The following ITGB8 variants were observed in gnomAD, a reference collection of about 807,000 sequenced individuals.
The protein encoded by ITGB8 is integrin subunit beta 8.
A neutral mutation model predicts 89.5 loss-of-function variants in ITGB8; 30 were observed. The ratio of observed to expected loss-of-function variants is 0.34; its 90% CI spans 0.25 to 0.45. ITGB8 has a LOEUF of 0.45. Ranked by LOEUF, ITGB8 falls within the 20% of genes least tolerant of loss-of-function variation. The pLI, the probability that ITGB8 is intolerant of heterozygous loss-of-function variation, is 1.00. For missense variants in ITGB8, 836 were observed against 933.3 expected (o/e 0.90, Z 1.36); for synonymous variants, 335 against 320.4 (o/e 1.05, Z -0.49).
intron 6 of ITGB8, among the ~76,000 whole-genome samples, chr7:20,385,800 G>C (rs2127966871): frequency 7.6e-6 from 1 of 130,840 alleles, no homozygotes; most frequent in South Asian, 2.2e-4. Flanking sequence ...CCATAACTTT[G>C]CTACCTGAGT....
rs1785089837 is a variant in ITGB8 at position 20,350,814 on chromosome 7, A to G, written c.128-12823A>G. On this transcript the variant is annotated intron_variant, in intron 1 of 13. Coordinates refer to ENST00000222573, the MANE Select transcript of ITGB8 (RefSeq NM_002214.3). Reference sequence around the variant, plus strand: ...ACAGCAACTCCGAACACCACTTCCTATGCTACTGCCTAATTAGCATGCAGC... The same window carrying G: ...ACAGCAACTCCGAACACCACTTCCTGTGCTACTGCCTAATTAGCATGCAGC... 2.0e-5 allele frequency among the ~76,000 whole-genome samples: 3 copies of G among 152,336 alleles called. No homozygotes were observed. In the South Asian group the frequency reaches 6.2e-4, roughly 32 times the overall value.
At chr7:20,336,000 CTTT>C (rs201113693) in intron 1 of ITGB8, among the ~76,000 whole-genome samples, 5 of 96,400 alleles carry the variant, frequency 5.2e-5, no homozygotes, top group African/African-American at 2.1e-4. Flanking sequence ...TCTTGGTTTT[CTTT>C]TTTTTTTTTT....
intron 1 of ITGB8, among the ~76,000 whole-genome samples, chr7:20,352,102 A>C (rs1785134283): frequency 2.6e-5 from 4 of 152,250 alleles, no homozygotes; most frequent in African/African-American, 9.6e-5. Flanking sequence ...CAAGAAACAA[A>C]GCACATGACT....
chr7:20,385,823 A>G (rs2158250), intron 6 of ITGB8, among the ~76,000 whole-genome samples: 15,151 of 152,244 alleles, frequency 0.1, 961 homozygotes, highest in East Asian at 0.39. Flanking sequence ...ACAAACGTTC[A>G]TAACACTATT....
chr7:20,395,298 A>G (rs935125550), intron 8 of ITGB8, among the ~76,000 whole-genome samples: 2 of 152,232 alleles, frequency 1.3e-5, no homozygotes, highest in Non-Finnish European at 2.9e-5. Flanking sequence ...CATTATTACC[A>G]TGAAATTGCG....
intron 10 of ITGB8, among the ~76,000 whole-genome samples, chr7:20,403,992 A>C (rs1225177103): frequency 1.3e-5 from 2 of 152,126 alleles, no homozygotes; most frequent in Non-Finnish European, 2.9e-5. Context: ...CACCACACAC[A>C]CCATCTTTCT....
chr7:20,406,332 C>T (rs190415761), intron 12 of ITGB8, among the ~76,000 whole-genome samples, 161 bp downstream of exon 12: 1 of 152,270 alleles, frequency 6.6e-6, no homozygotes, highest in African/African-American at 2.4e-5. Flanking sequence ...GGGTGGATCA[C>T]CTGAGGTCAG....
chr7:20,378,233 G>A (rs866179607), intron 3 of ITGB8, among the ~76,000 whole-genome samples: 1 of 152,144 alleles, frequency 6.6e-6, no homozygotes, highest in African/African-American at 2.4e-5. Context: ...GTTCCCTGCG[G>A]GGACTACCGA....
intron 1 of ITGB8, among the ~76,000 whole-genome samples, chr7:20,345,200 T>TTA (rs1784882324): frequency 1.3e-5 from 2 of 152,112 alleles, no homozygotes; most frequent in African/African-American, 4.8e-5. Flanking sequence ...GATATATAAC[T>TTA]TTCTAGGAGG....
In ITGB8 at chr7:20,410,182, C is replaced by T. The variant is rs1787709853; in HGVS notation, c.*185C>T. 4 of 604,572 alleles carry T rather than the reference C, an allele frequency of 6.6e-6. No homozygotes were observed. Among genetic ancestry groups the T allele is most frequent in the South Asian group, 4.2e-5 (2 of 47,862 alleles). The allele number at this position is 604,572 out of a possible 1,614,324, so 37.5% of individuals were successfully genotyped here. On this transcript the variant is annotated 3_prime_UTR_variant, in exon 14 of 14. Transcript: ENST00000222573. ...TGACTCACATAGCTGCTGACTTTTT[C>T]AGAGAAAAATGTGTCTTACTACTGT...
intron 6 of ITGB8, among the ~76,000 whole-genome samples, chr7:20,387,480 T>C (rs1187503948): frequency 6.6e-6 from 1 of 152,228 alleles, no homozygotes; most frequent in African/African-American, 2.4e-5. Context: ...AGCTGCCCAG[T>C]GTCACATAGC....
chr7:20,379,529 AAAAAAC>A, intron 4 of ITGB8: 1 of 181,386 alleles, frequency 5.5e-6, no homozygotes, highest in Non-Finnish European at 1.1e-5. Context: ...TTATCACCAA[AAAAAAC>A]AAAAAAACAA....
chr7:20,377,128 A>G (rs1191437459), intron 3 of ITGB8, among the ~76,000 whole-genome samples: 1 of 152,182 alleles, frequency 6.6e-6, no homozygotes, highest in Non-Finnish European at 1.5e-5. Context: ...GATGCTGTAC[A>G]GGCCCTGGTT....
At chr7:20,330,635 T>TG (rs1170352721), upstream of ITGB8, 1 of 152,320 alleles carries the variant, frequency 6.6e-6, no homozygotes, top group Non-Finnish European at 1.5e-5. Context: ...AGAGCGAGTG[T>TG]GGGCCGCGGT....
chr7:20,359,632 G>T (rs966952777), intron 1 of ITGB8, among the ~76,000 whole-genome samples: 1 of 151,974 alleles, frequency 6.6e-6, no homozygotes, highest in African/African-American at 2.4e-5. Flanking sequence ...TTCACAGAAG[G>T]GTGTGTTTGT....
chr7:20,363,376 G>T (rs1785576365), intron 1 of ITGB8, among the ~76,000 whole-genome samples: 1 of 152,040 alleles, frequency 6.6e-6, no homozygotes, highest in Admixed American at 6.6e-5. Flanking sequence ...CCCCAAACCT[G>T]ACCAAAATCA....
chr7:20,366,900 G>A (rs1562671363), intron 2 of ITGB8, 112 bp from the exon 3 acceptor site: 2 of 709,028 alleles, frequency 2.8e-6, no homozygotes, highest in East Asian at 2.9e-5. Context: ...ATAAGGATTA[G>A]AAGAAATTAA....
intron 1 of ITGB8, among the ~76,000 whole-genome samples, chr7:20,362,184 G>A (rs997488502): frequency 1.3e-5 from 2 of 152,000 alleles, no homozygotes; most frequent in African/African-American, 4.8e-5. Context: ...TCCACCTCCA[G>A]GTCAGAACTG....
At chr7:20,404,927 C>T in intron 11 of ITGB8, 74 bp downstream of exon 11, 1 of 1,287,610 alleles carries the variant, frequency 7.8e-7, no homozygotes, top group East Asian at 2.3e-5. Flanking sequence ...CTTCCTTAAT[C>T]TTAAACGTTG....
Sources: gnomAD v4.1 joint callset for allele counts (sites outside exome capture counted in the v4.1 genomes callset) on GRCh38, gnomAD v4.1.1 for gene constraint, MANE v1.5 for transcripts, NCBI Gene and HGNC (gene_info 2026-07-23, HGNC 2026-07-21) for gene names.